SPATA6: variants seen among roughly 807,000 people sequenced by gnomAD.
SPATA6 encodes the protein spermatogenesis associated 6, also known as spermatogenesis-associated protein 6.
SPATA6 carries 56 observed loss-of-function variants against 65.3 expected under a neutral mutation model. The ratio of observed to expected loss-of-function variants is 0.86; its 90% CI spans 0.69 to 1.07. The LOEUF is 1.07. SPATA6 is among the 50% of genes least tolerant of loss of function. The pLI, the probability that SPATA6 is intolerant of heterozygous loss-of-function variation, is 0.00. For synonymous variants in SPATA6, 199 were observed against 213.2 expected, an observed-to-expected ratio of 0.93 and a Z score of 0.58; for missense variants, 590 against 594.8, an observed-to-expected ratio of 0.99 and a Z score of 0.08.
At chr1:48,366,637 T>C (rs775241729) in intron 9 of SPATA6, among the ~76,000 whole-genome samples, 2 of 152,226 alleles carry the variant, frequency 1.3e-5, no homozygotes, top group Non-Finnish European at 2.9e-5. Context: ...TGATCGGTGG[T>C]GATATCCCCT....
At chr1:48,320,856 T>G (rs921336821) in intron 11 of SPATA6, among the ~76,000 whole-genome samples, 2 of 152,032 alleles carry the variant, frequency 1.3e-5, no homozygotes, top group African/African-American at 4.8e-5. Flanking sequence ...AAACAAAAAG[T>G]TAAAAAGAGG....
At chr1:48,455,584 G>A (rs1482599035) in intron 1 of SPATA6, among the ~76,000 whole-genome samples, 1 of 152,090 alleles carries the variant, frequency 6.6e-6, no homozygotes, top group East Asian at 1.9e-4. Flanking sequence ...GTTTCACCGT[G>A]TTAGCCAGGA....
chr1:48,288,609 T>C, the SPATA6 span, among the ~76,000 whole-genome samples: 7 of 152,276 alleles, frequency 4.6e-5, no homozygotes, highest in South Asian at 1.5e-3. Context: ...AGGGAAGCCA[T>C]GACAGACAGC....
the SPATA6 span, among the ~76,000 whole-genome samples, chr1:48,289,038 G>A: frequency 1.3e-5 from 2 of 152,208 alleles, no homozygotes; most frequent in African/African-American, 4.8e-5. Flanking sequence ...AGAACCAACA[G>A]ACTGCCACCT....
At chr1:48,377,999 C>G (rs1648116643) in intron 9 of SPATA6, among the ~76,000 whole-genome samples, 1 of 152,182 alleles carries the variant, frequency 6.6e-6, no homozygotes, top group African/African-American at 2.4e-5. Context: ...GTGAAGAAGA[C>G]ACCAAGGCCT....
downstream of SPATA6, among the ~76,000 whole-genome samples, chr1:48,293,587 T>A (rs544726805): frequency 6.6e-6 from 1 of 152,318 alleles, no homozygotes; most frequent in Non-Finnish European, 1.5e-5. Flanking sequence ...CAGAAGTACC[T>A]TGGTAATGAG....
In SPATA6 at chr1:48,395,300, A is replaced by C. The variant is rs201293204; in HGVS notation, c.835T>G (p.Cys279Gly). ...ACCCTTGACCATCCATCTCTTTCAC[A>C]GTCTCTTCCAGAAGATCCCAATAAA... Reference protein sequence around the residue: ...DTLLGSSGRDCERDGWSRVHN... With the variant: ...DTLLGSSGRDGERDGWSRVHN... The change falls in exon 8 of 13, where the codon TGT becomes GGT. Residue 279 changes from cysteine (C) to glycine (G), a missense_variant. Cys to Gly is a radical substitution (Grantham distance 159, BLOSUM62 -3). Coordinates refer to ENST00000371847, the MANE Select transcript of SPATA6 (RefSeq NM_019073.4). 6.4e-7 allele frequency: 1 copy of C among 1,569,382 alleles called. No individual in the cohort carries two copies. Among genetic ancestry groups the C allele is most frequent in the South Asian group, 1.2e-5 (1 of 84,994 alleles).
In SPATA6 at chr1:48,400,016, A is replaced by G. The variant is rs1007823323; in HGVS notation, c.487-372T>C. On this transcript the variant is annotated intron_variant, in intron 6 of 12. Transcript: ENST00000371847. ...TTTAAATATTCGTGTAATTGGCTATATAAGAGAACTATGTTTAGTAATGTT... is the reference window on the plus strand; with the variant it reads ...TTTAAATATTCGTGTAATTGGCTATGTAAGAGAACTATGTTTAGTAATGTT... Among the ~76,000 whole-genome samples, 6 of 151,992 alleles carry G rather than the reference A, an allele frequency of 3.9e-5. No individual in the cohort carries two copies. In the East Asian group the frequency reaches 9.6e-4, roughly 24 times the overall value.
intron 9 of SPATA6, among the ~76,000 whole-genome samples, chr1:48,373,546 G>A (rs936688410): frequency 1.5e-4 from 23 of 152,248 alleles, no homozygotes; most frequent in African/African-American, 4.6e-4. Flanking sequence ...TTCCAAAGTC[G>A]CTTCCACATT....
chr1:48,398,157 AG>A (rs1159368556), intron 7 of SPATA6, among the ~76,000 whole-genome samples: 1 of 151,698 alleles, frequency 6.6e-6, no homozygotes, highest in African/African-American at 2.4e-5. Flanking sequence ...ACAACAAAAA[AG>A]TGACCAAAAG....
At chr1:48,325,882 C>T (rs2148714948) in intron 11 of SPATA6, 1 of 345,488 alleles carries the variant, frequency 2.9e-6, no homozygotes, top group Admixed American at 3.4e-5. Context: ...GAAAACTCTC[C>T]TCAGATGCTT....
chr1:48,290,972 G>A (rs1174128699), downstream of SPATA6, among the ~76,000 whole-genome samples: 3 of 152,076 alleles, frequency 2.0e-5, no homozygotes, highest in Non-Finnish European at 4.4e-5. Context: ...TCCAGGAATT[G>A]AACTCAGCTC....
chr1:48,429,692 G>A (rs1042385454), intron 3 of SPATA6, among the ~76,000 whole-genome samples: 1 of 151,984 alleles, frequency 6.6e-6, no homozygotes, highest in Non-Finnish European at 1.5e-5. Context: ...ACTAGAAAAA[G>A]ACTTTAAAAT....
At chr1:48,337,986 T>C (rs1479548573) in intron 11 of SPATA6, among the ~76,000 whole-genome samples, 1 of 151,822 alleles carries the variant, frequency 6.6e-6, no homozygotes, top group African/African-American at 2.4e-5. Flanking sequence ...AGATGGAAAT[T>C]AAAAGAACCA....
intron 3 of SPATA6, among the ~76,000 whole-genome samples, chr1:48,435,785 G>A (rs548372773): frequency 7.2e-5 from 11 of 152,210 alleles, no homozygotes; most frequent in African/African-American, 2.4e-5. Flanking sequence ...CACTCGCCTC[G>A]CCCCTCCGCG....
chr1:48,451,854 T>A (rs1308097459), intron 2 of SPATA6, among the ~76,000 whole-genome samples: 1 of 152,188 alleles, frequency 6.6e-6, no homozygotes, highest in African/African-American at 2.4e-5. Context: ...TTCTTGGTGT[T>A]CCTCCAACCC....
chr1:48,374,692 G>C (rs972421517), intron 9 of SPATA6, among the ~76,000 whole-genome samples: 3 of 152,060 alleles, frequency 2.0e-5, no homozygotes, highest in Non-Finnish European at 2.9e-5. Context: ...TATGACAATA[G>C]ATCACTCAAC....
At chr1:48,378,043 C>A (rs1229830235) in intron 9 of SPATA6, among the ~76,000 whole-genome samples, 1 of 152,132 alleles carries the variant, frequency 6.6e-6, no homozygotes, top group Admixed American at 6.5e-5. Context: ...TGGGTCACAG[C>A]ATGGAGAAAA....
the SPATA6 span, among the ~76,000 whole-genome samples, chr1:48,272,900 T>G: frequency 6.6e-6 from 1 of 152,194 alleles, no homozygotes; most frequent in African/African-American, 2.4e-5. Context: ...GAGCAACTTT[T>G]CGTATTCCTG....
Sources: allele counts gnomAD v4.1 joint callset (sites outside exome capture counted in the v4.1 genomes callset), GRCh38; gene constraint gnomAD v4.1.1; transcripts MANE v1.5; gene names NCBI Gene and HGNC (gene_info 2026-07-23, HGNC 2026-07-21).